Variants in COL4A2 observed in about 807,000 individuals in gnomAD.
The protein encoded by COL4A2 is collagen alpha-2(IV) chain.
In COL4A2, 99 loss-of-function variants were observed where a neutral mutation model predicts 200.2. The ratio of observed to expected loss-of-function variants is 0.49; its 90% confidence interval spans 0.42 to 0.58. The LOEUF (loss-of-function observed/expected upper bound fraction) is 0.58, where lower values mean the gene tolerates loss of function less well. Ranked by LOEUF, COL4A2 falls within the 20% of genes least tolerant of loss-of-function variation. The pLI is 0.00. For missense variants in COL4A2, 1,950 were observed against 2,314.1 expected, an observed-to-expected ratio of 0.84 and a Z score of 3.23; for synonymous variants, 897 against 900.6, an observed-to-expected ratio of 1.00 and a Z score of 0.07.
intron 4 of COL4A2, among the ~76,000 whole-genome samples, chr13:110,397,747 G>A (rs1879230634): frequency 6.6e-6 from 1 of 152,190 alleles, no homozygotes; most frequent in African/African-American, 2.4e-5. Flanking sequence ...GGGAGTGGGT[G>A]GGTATGAGGG....
In COL4A2 at chr13:110,445,844, G is replaced by A. The variant is rs759250966; in HGVS notation, c.973G>A (p.Asp325Asn). The change falls in exon 17 of 48, where the codon GAT becomes AAT. Residue 325 changes from aspartate to asparagine, a missense_variant. Coordinates refer to ENST00000360467, the MANE Select transcript of COL4A2 (RefSeq NM_001846.4). ...TTTCTTGCAGGGAAGCCGAGGCCTG[G>A]ATGGCTATCAAGGGCCTGATGGACC... The part of the protein sequence containing the change: ...SPGQKGSRGL[D>N]GYQGPDGPRG... 6.2e-7 allele frequency: 1 copy of A among 1,614,180 alleles called. No individual in the cohort carries two copies. Among genetic ancestry groups the A allele is most frequent in the South Asian group, 1.1e-5 (1 of 91,082 alleles).
chr13:110,433,826 A>C (rs1190668756), intron 11 of COL4A2, among the ~76,000 whole-genome samples: 1 of 152,252 alleles, frequency 6.6e-6, no homozygotes, highest in Non-Finnish European at 1.5e-5. Context: ...TCGTGAAATT[A>C]TTAAATCCTT....
chr13:110,456,796 G>A (rs1007541930), intron 20 of COL4A2: 4 of 481,060 alleles, frequency 8.3e-6, no homozygotes, highest in Non-Finnish European at 1.7e-5. Flanking sequence ...GGGATGCCGG[G>A]CACCCATGGT....
chr13:110,329,955 G>T (rs908178973), intron 3 of COL4A2, among the ~76,000 whole-genome samples: 4 of 152,208 alleles, frequency 2.6e-5, no homozygotes, highest in Non-Finnish European at 5.9e-5. Flanking sequence ...CTTTTCATCT[G>T]TTTAAAGGAC....
chr13:110,509,057 A>G lies in COL4A2; in HGVS notation c.4881+836A>G, dbSNP rs111648210. 4.5e-3 allele frequency among the ~76,000 whole-genome samples: 687 copies of G among 152,076 alleles called. 11 individuals are homozygous for G. The highest frequency in any genetic ancestry group is 0.016 in the African/African-American group (643 of 41,480). On this transcript the variant is annotated intron_variant, in intron 47 of 47. Transcript: ENST00000360467. Reference sequence around the variant, plus strand: ...TGAATTGAATACATATTGCTTTTGCACCATCGAAAACTCAAAAATCCTAAG... The same window carrying G: ...TGAATTGAATACATATTGCTTTTGCGCCATCGAAAACTCAAAAATCCTAAG...
chr13:110,507,647 C>T (rs572530627), intron 46 of COL4A2: 1 of 524,180 alleles, frequency 1.9e-6, no homozygotes, highest in South Asian at 2.4e-5. Context: ...TAAGGCTCAC[C>T]CAAAATGCTA....
intron 34 of COL4A2, 59 bp downstream of exon 34, chr13:110,485,895 A>G: frequency 6.3e-7 from 1 of 1,597,870 alleles, no homozygotes; most frequent in South Asian, 1.1e-5. Context: ...TTGCTTGTGA[A>G]TGGACATGCT....
intron 4 of COL4A2, among the ~76,000 whole-genome samples, chr13:110,401,602 C>T (rs1013836566): frequency 1.3e-5 from 2 of 152,168 alleles, no homozygotes; most frequent in South Asian, 4.1e-4. Flanking sequence ...TAATGCTCAG[C>T]ACAGTCAGCG....
intron 4 of COL4A2, among the ~76,000 whole-genome samples, chr13:110,390,823 G>A (rs539560471): frequency 3.3e-5 from 5 of 152,328 alleles, no homozygotes; most frequent in South Asian, 2.1e-4. Flanking sequence ...GGCTGTGGCC[G>A]ATGAGTCCCT....
chr13:110,427,914 C>T (rs1290774759), intron 6 of COL4A2, among the ~76,000 whole-genome samples: 3 of 152,224 alleles, frequency 2.0e-5, no homozygotes, highest in Non-Finnish European at 4.4e-5. Context: ...GATAAAATCA[C>T]GTTGCGGGTG....
chr13:110,320,405 T>C (rs1158365510), intron 3 of COL4A2, among the ~76,000 whole-genome samples: 2 of 152,246 alleles, frequency 1.3e-5, no homozygotes, highest in African/African-American at 2.4e-5. Flanking sequence ...TCTCACCTGA[T>C]TGGAATTTAA....
intron 31 of COL4A2, 50 bp downstream of exon 31, chr13:110,480,440 A>C: frequency 5.8e-6 from 9 of 1,554,700 alleles, no homozygotes; most frequent in Non-Finnish European, 7.8e-6. Flanking sequence ...GGTTGGGTCT[A>C]ATCAACTCTG....
At chr13:110,475,182 G>A (rs1037253022) in intron 29 of COL4A2, among the ~76,000 whole-genome samples, 5 of 152,318 alleles carry the variant, frequency 3.3e-5, no homozygotes, top group East Asian at 1.9e-4. Flanking sequence ...CCTCGTGCTC[G>A]GCCATCCAGA....
At chr13:110,466,231 A>G (rs536989778) in intron 26 of COL4A2, among the ~76,000 whole-genome samples, 169 bp downstream of exon 26, 10 of 152,336 alleles carry the variant, frequency 6.6e-5, no homozygotes, top group East Asian at 3.9e-4. Context: ...CATTGCATGA[A>G]TGACAACCTG....
At chr13:110,393,755 T>G (rs556596587) in intron 4 of COL4A2, among the ~76,000 whole-genome samples, 1 of 152,244 alleles carries the variant, frequency 6.6e-6, no homozygotes, top group East Asian at 1.9e-4. Context: ...GGCACACACC[T>G]ATAATCCCGG....
At chr13:110,453,635 G>C (rs1160808348) in intron 20 of COL4A2, among the ~76,000 whole-genome samples, 1 of 152,212 alleles carries the variant, frequency 6.6e-6, no homozygotes, top group East Asian at 1.9e-4. Flanking sequence ...GTCTTGCTTA[G>C]TAAATCCGTG....
intron 24 of COL4A2, among the ~76,000 whole-genome samples, chr13:110,465,151 G>A (rs981532349): frequency 1.3e-5 from 2 of 152,196 alleles, no homozygotes; most frequent in Non-Finnish European, 2.9e-5. Context: ...TGGCGGGTGG[G>A]AAGAGAGAAA....
In COL4A2 at chr13:110,355,786, G is replaced by A. The variant is rs148449769; in HGVS notation, c.100-1686G>A. On this transcript the variant is annotated intron_variant, in intron 3 of 47. Transcript: ENST00000360467. ...AGCTCACCTGTGTGTGGGGGTGGAG[G>A]GCTGTACAGCTCACCTGTGTGAGTG... is the stretch of plus-strand genomic sequence containing the variant. Among the ~76,000 whole-genome samples, 7 of 52,122 alleles carry A rather than the reference G, an allele frequency of 1.3e-4. 2 individuals are homozygous for A. Among genetic ancestry groups the A allele is most frequent in the Admixed American group, 5.8e-4 (3 of 5,168 alleles). 34.2% of individuals were successfully genotyped at this position (52,122 alleles called of 152,430 possible). A position where few individuals can be genotyped will look rare whatever the true frequency, so the allele number is the denominator to read the frequency against.
At chr13:110,476,684 G>A (rs887714321) in intron 29 of COL4A2, among the ~76,000 whole-genome samples, 4 of 152,220 alleles carry the variant, frequency 2.6e-5, no homozygotes, top group East Asian at 1.9e-4. Context: ...GTGCACCTCC[G>A]GTGTTAATAA....
Sources: allele counts gnomAD v4.1 joint callset (sites outside exome capture counted in the v4.1 genomes callset), GRCh38; gene constraint gnomAD v4.1.1; transcripts MANE v1.5; gene names NCBI Gene and HGNC (gene_info 2026-07-23, HGNC 2026-07-21).